Variants in SLC16A7 observed in about 807,000 individuals in gnomAD.
SLC16A7 encodes solute carrier family 16 member 7.
A neutral mutation model predicts 34.9 loss-of-function variants in SLC16A7; 33 were observed. The observed-to-expected ratio is 0.94, with a 90% CI of 0.72 to 1.26. The LOEUF (loss-of-function observed/expected upper bound fraction) is 1.26, where lower values mean the gene tolerates loss of function less well. SLC16A7 is among the 50% of genes most tolerant of loss of function. The pLI is 0.00. For missense variants in SLC16A7, 573 were observed against 578.1 expected, an observed-to-expected ratio of 0.99 and a Z score of 0.09; for synonymous variants, 201 against 206.6, an observed-to-expected ratio of 0.97 and a Z score of 0.23.
At chr12:59,684,543 A>T (rs1323089946) in intron 2 of SLC16A7, among the ~76,000 whole-genome samples, 1 of 152,136 alleles carries the variant, frequency 6.6e-6, no homozygotes, top group Non-Finnish European at 1.5e-5. Context: ...GGTCAGAAAA[A>T]CATAGTGTCT....
rs749009293 is a variant in SLC16A7, at chr12:59,783,653, CTTT to C, written c.*3987_*3989del. On this transcript the variant is annotated 3_prime_UTR_variant, in exon 6 of 6. Transcript: ENST00000547379. ...GAATATGTAATTTCTTTCTTTCTTT[CTTT>C]TTTTTTTTTTTTGAGACTGAGTCTC... is the stretch of plus-strand genomic sequence containing the variant. 14 of 140,564 alleles carry C rather than the reference CTTT, an allele frequency of 1.0e-4. No homozygotes were observed. Among genetic ancestry groups the C allele is most frequent in the Admixed American group, 1.4e-4 (2 of 14,010 alleles). The allele number at this position is 140,564 out of a possible 1,614,324, so 8.7% of individuals were successfully genotyped here.
At chr12:59,747,749 C>T (rs1879050250) in intron 3 of SLC16A7, among the ~76,000 whole-genome samples, 1 of 152,132 alleles carries the variant, frequency 6.6e-6, no homozygotes, top group Non-Finnish European at 1.5e-5. Flanking sequence ...GTTGTATAAC[C>T]GGAAGCTGTG....
chr12:59,748,920 G>A (rs1056021099), intron 3 of SLC16A7, among the ~76,000 whole-genome samples: 2 of 152,088 alleles, frequency 1.3e-5, no homozygotes, highest in African/African-American at 4.8e-5. Context: ...AGCAAACTGT[G>A]GTTTGATAAT....
chr12:59,768,372 A>G (rs912471070), intron 3 of SLC16A7: 1 of 315,070 alleles, frequency 3.2e-6, no homozygotes, highest in Admixed American at 4.0e-5. Context: ...TAGAATTAGA[A>G]GTGGAGCCTG....
intron 2 of SLC16A7, among the ~76,000 whole-genome samples, chr12:59,703,728 G>A (rs1375747644): frequency 6.6e-6 from 1 of 152,042 alleles, no homozygotes; most frequent in East Asian, 1.9e-4. Context: ...TAGTAATACT[G>A]TATAGTATAC....
intron 3 of SLC16A7, among the ~76,000 whole-genome samples, chr12:59,733,178 C>T (rs573233229): frequency 2.0e-5 from 3 of 152,306 alleles, no homozygotes; most frequent in South Asian, 2.1e-4. Flanking sequence ...CTGTGACCAG[C>T]GGCGCCTTTG....
intron 3 of SLC16A7, among the ~76,000 whole-genome samples, chr12:59,764,322 T>C (rs1169692585): frequency 6.6e-6 from 1 of 152,136 alleles, no homozygotes; most frequent in African/African-American, 2.4e-5. Context: ...TAGTACATTT[T>C]TTTGTTTTTG....
chr12:59,679,367 G>A (rs936660080), intron 2 of SLC16A7, among the ~76,000 whole-genome samples: 2 of 152,148 alleles, frequency 1.3e-5, no homozygotes, highest in African/African-American at 4.8e-5. Context: ...CATGTCAGTG[G>A]CCACTATAGA....
chr12:59,771,316 T>C lies in SLC16A7; in HGVS notation c.315T>C (p.Phe105=), dbSNP rs1427102152. The C allele has an allele frequency of 6.2e-7, 1 of 1,613,002 alleles. No individual in the cohort carries two copies. Among genetic ancestry groups the C allele is most frequent in the Non-Finnish European group, 8.5e-7 (1 of 1,179,362 alleles). The change falls in exon 4 of 6, where the codon TTT becomes TTC. Residue 105 remains phenylalanine, a synonymous_variant. Coordinates refer to ENST00000547379, the MANE Select transcript of SLC16A7 (RefSeq NM_001270623.2). ...GTCTTGGAATGGTGTTGGCCTCCTT[T>C]AGTAGCAGCGTGGTACAGCTGTACC... is the stretch of plus-strand genomic sequence containing the variant. The part of the protein sequence containing the change: ...LCCLGMVLAS[F]SSSVVQLYLT...
intron 1 of SLC16A7, among the ~76,000 whole-genome samples, chr12:59,610,576 T>G (rs1259497291): frequency 1.3e-5 from 2 of 152,192 alleles, no homozygotes; most frequent in Non-Finnish European, 2.9e-5. Context: ...ACCTTAATAA[T>G]TTGTTCATTA....
At chr12:59,724,740 C>A (rs572158971) in intron 3 of SLC16A7, among the ~76,000 whole-genome samples, 281 of 151,830 alleles carry the variant, frequency 1.9e-3, no homozygotes, top group Non-Finnish European at 3.4e-3. Flanking sequence ...TGATGTCACT[C>A]GGAATATTAT....
chr12:59,757,668 G>T (rs1880543241), intron 3 of SLC16A7, among the ~76,000 whole-genome samples: 3 of 151,912 alleles, frequency 2.0e-5, no homozygotes. Flanking sequence ...TGCCTCTCCT[G>T]CCTCCCCTTC....
intron 2 of SLC16A7, among the ~76,000 whole-genome samples, chr12:59,682,602 T>G (rs529285866): frequency 2.8e-3 from 429 of 152,322 alleles, no homozygotes; most frequent in African/African-American, 9.9e-3. Context: ...TTAGAAATGA[T>G]TATAAATAAT....
rs1592703731 is a variant in SLC16A7 at position 59,779,273 on chromosome 12, A to C, written c.1181-150A>C. On this transcript the variant is annotated intron_variant, in intron 5 of 5. Transcript: ENST00000547379. ...GCATACCTTTACTAAGCATATGTAG[A>C]AGTCATAATCTAGATTTTTTTATTT... 8.6e-6 allele frequency: 5 copies of C among 582,582 alleles called. No homozygotes were observed. The East Asian group carries it at 1.5e-4, about 17-fold the overall frequency. 36.1% of individuals were successfully genotyped at this position (582,582 alleles called of 1,614,324 possible).
intron 3 of SLC16A7, among the ~76,000 whole-genome samples, chr12:59,747,732 G>A (rs756101643): frequency 1.6e-4 from 24 of 152,244 alleles, no homozygotes; most frequent in Non-Finnish European, 2.5e-4. Context: ...GTAATGGGTA[G>A]GGTATGGTTG....
Position 59,596,417 on chromosome 12 carries a change from C to CA in SLC16A7, c.-130+188dup, listed in dbSNP as rs200852575. Among the ~76,000 whole-genome samples the CA allele has an allele frequency of 0.015, 2,237 of 152,120 alleles. 65 individuals are homozygous for CA. The highest frequency in any genetic ancestry group is 0.051 in the African/African-American group (2,135 of 41,482). ...GTTGGCCAGCGAGCCCTTATATAGA[C>CA]AAAAAAATCCCGAAGCGGCCGCGGG... is the stretch of plus-strand genomic sequence containing the variant. On this transcript the variant is annotated intron_variant, in intron 1 of 5. Transcript: ENST00000547379. This position sits in a 1 kb window ranked among gnomAD's most constrained non-coding sequence, Gnocchi z 5.0.
intron 3 of SLC16A7, among the ~76,000 whole-genome samples, chr12:59,752,536 A>G (rs2706298): frequency 0.12 from 18,221 of 151,494 alleles, 1,427 homozygotes; most frequent in African/African-American, 0.22. Flanking sequence ...GAAATGAAGC[A>G]AGAAGGGAAG....
chr12:59,782,692 C>A lies in SLC16A7; in HGVS notation c.*3013C>A, dbSNP rs1204477991. The A allele has an allele frequency of 6.6e-6, 1 of 152,118 alleles. No individual in the cohort carries two copies. The highest frequency in any genetic ancestry group is 1.5e-5 in the Non-Finnish European group (1 of 68,012). 9.4% of individuals were successfully genotyped at this position (152,118 alleles called of 1,614,324 possible). A position where few individuals can be genotyped will look rare whatever the true frequency, so the allele number is the denominator to read the frequency against. ...TTTTTACTACTTAACCTTAAATATG[C>A]CATCACTAATTTATGAATAGAACAT... On this transcript the variant is annotated 3_prime_UTR_variant, in exon 6 of 6. Transcript: ENST00000547379.
chr12:59,687,064 A>G (rs993980129), intron 2 of SLC16A7, among the ~76,000 whole-genome samples: 1 of 151,980 alleles, frequency 6.6e-6, no homozygotes, highest in Admixed American at 6.6e-5. Context: ...TTTACTTGTT[A>G]ATTTAAGAAA....
Sources: gnomAD v4.1 joint callset for allele counts (sites outside exome capture counted in the v4.1 genomes callset) on GRCh38, gnomAD v4.1.1 for gene constraint, Gnocchi (gnomAD v3.1) non-coding constraint, MANE v1.5 for transcripts, NCBI Gene and HGNC (gene_info 2026-07-23, HGNC 2026-07-21) for gene names.